PLXNA3: variants seen among roughly 807,000 people sequenced by gnomAD.
The protein encoded by PLXNA3 is plexin-A3.
A neutral mutation model predicts 118.8 loss-of-function variants in PLXNA3; 52 were observed. That is an observed-to-expected ratio of 0.44 (90% CI 0.35 to 0.55). The LOEUF is 0.55. Ranked by LOEUF, PLXNA3 falls within the 20% of genes least tolerant of loss-of-function variation. The pLI is 0.01. For missense variants in PLXNA3, 1,660 were observed against 1,730.8 expected (o/e 0.96, Z 0.73); for synonymous variants, 925 against 762.4 (o/e 1.21, Z -3.51).
Position 154,470,582 on chromosome X carries a change from C to A in PLXNA3, c.5127C>A (p.Pro1709=). ...EQADQRQISD[P]DVRHTWKSNC... is the part of the protein sequence containing the mutation. ...CGGACCAGCGCCAGATCAGCGACCC[C>A]GATGTGCGCCACACCTGGAAGAGCA... The change falls in exon 30 of 33, where the codon CCC becomes CCA. Residue 1709 remains proline, a synonymous_variant. Coordinates refer to ENST00000369682, the MANE Select transcript of PLXNA3 (RefSeq NM_017514.5). 1 of 1,211,090 alleles carries A rather than the reference C, an allele frequency of 8.3e-7. No homozygotes were observed. The highest frequency in any genetic ancestry group is 1.1e-6 in the Non-Finnish European group (1 of 895,142).
Position 154,462,229 on chromosome X carries a change from C to T in PLXNA3, c.1236C>T (p.Asp412=), listed in dbSNP as rs1557204990. The T allele has an allele frequency of 3.3e-6, 4 of 1,201,230 alleles. No homozygotes were observed. Among genetic ancestry groups the T allele is most frequent in the Non-Finnish European group, 3.4e-6 (3 of 890,092 alleles). The change falls in exon 4 of 33, where the codon GAC becomes GAT. Residue 412 remains aspartate, a synonymous_variant. Coordinates refer to ENST00000369682, the MANE Select transcript of PLXNA3 (RefSeq NM_017514.5). ...EGLPLLADST[D]GMASVAAYTY... Reference sequence around the variant, plus strand: ...TGCCCCTGCTGGCCGACAGCACCGACGGCATGGCCAGCGTGGCCGCCTACA... The same window carrying T: ...TGCCCCTGCTGGCCGACAGCACCGATGGCATGGCCAGCGTGGCCGCCTACA...
At chrX:154,459,163 C>T (rs956413549) in intron 1 of PLXNA3, among the ~76,000 whole-genome samples, 2 of 85,582 alleles carry the variant, frequency 2.3e-5, no homozygotes, top group Admixed American at 1.1e-4. Flanking sequence ...CACCACCCCC[C>T]GCTCCCCCCC....
chrX:154,466,102 C>T (rs1255809904), intron 14 of PLXNA3, 22 bp downstream of exon 14: 7 of 1,207,973 alleles, frequency 5.8e-6, no homozygotes, highest in Non-Finnish European at 7.8e-6. Flanking sequence ...TCTGTGGGTG[C>T]CCGGGCCGTA....
Position 154,464,219 on chromosome X carries a change from G to A in PLXNA3, c.1734G>A (p.Ala578=), listed in dbSNP as rs782554617. The change falls in exon 8 of 33, where the codon GCG becomes GCA. Residue 578 remains alanine (A), a synonymous_variant. Transcript: ENST00000369682. ...LSAGVSCAFE[A]AAENEAVLLP... ...CGGGCGTGAGCTGCGCCTTCGAGGC[G>A]GCGGCGGAGAACGAGGCGGTCCTGC... 8.2e-5 allele frequency: 99 copies of A among 1,207,538 alleles called. No individual in the cohort carries two copies. In the Middle Eastern group the frequency reaches 1.4e-3, roughly 17 times the overall value.
Position 154,464,161 on chromosome X carries a change from C to T in PLXNA3, c.1676C>T (p.Thr559Ile). 1.7e-6 allele frequency: 2 copies of T among 1,208,688 alleles called. No individual in the cohort carries two copies. The highest frequency in any genetic ancestry group is 2.2e-6 in the Non-Finnish European group (2 of 893,907). Residue 559 changes from threonine to isoleucine, a missense_variant, in exon 8 of 33, where the codon ACC becomes ATC. Thr to Ile is a moderately conservative substitution (Grantham distance 89, BLOSUM62 -1). Transcript: ENST00000369682. ...VSVTSPGVQL[T>I]VTLHNVPDLS... Reference sequence around the variant, plus strand: ...TGAGCCCTCTGCTTCCCCCAGCTGACCGTCACCCTGCACAACGTGCCAGAC... The same window carrying T: ...TGAGCCCTCTGCTTCCCCCAGCTGATCGTCACCCTGCACAACGTGCCAGAC...
intron 32 of PLXNA3, 120 bp from the exon 33 acceptor site, chrX:154,472,470 G>A (rs957678176): frequency 1.8e-4 from 90 of 511,841 alleles, no homozygotes; most frequent in African/African-American, 1.7e-3. Flanking sequence ...CAGGGGCTGC[G>A]GGGGAGGACG....
rs1266066465 is a variant in PLXNA3 at position 154,472,629 on chromosome X, C to T, written c.5560C>T (p.His1854Tyr). Residue 1854 changes from histidine to tyrosine, a missense_variant, in exon 33 of 33, where the codon CAT becomes TAT. Physicochemically the swap from His to Tyr is moderately conservative, Grantham distance 83 (BLOSUM62 2). Transcript: ENST00000369682. ...GGACCGAGATGCCTCTTGTCGGAAG[C>T]ATAAGTTGCGGCAGAAACTGGAACA... ...ALDRDASCRKHKLRQKLEQII... is the reference protein window; with the variant it reads ...ALDRDASCRKYKLRQKLEQII... 1 of 1,209,344 alleles carries T rather than the reference C, an allele frequency of 8.3e-7. No individual in the cohort carries two copies.
Position 154,467,288 on chromosome X carries a change from T to C in PLXNA3, c.3258T>C (p.Leu1086=). The part of the protein sequence containing the change: ...AMLCKAPGIF[L]GRPQPRAQGE... The stretch of plus-strand genomic sequence containing the variant: ...TGTGTAAGGCCCCCGGCATCTTTCT[T>C]GGGCGGCCCCAGCCTCGGGCGCAAG... Residue 1086 remains leucine (L), a synonymous_variant, in exon 19 of 33, where the codon CTT becomes CTC. Coordinates refer to ENST00000369682, the MANE Select transcript of PLXNA3 (RefSeq NM_017514.5). 3 of 1,209,251 alleles carry C rather than the reference T, an allele frequency of 2.5e-6. No individual in the cohort carries two copies. Among genetic ancestry groups the C allele is most frequent in the Non-Finnish European group, 3.4e-6 (3 of 895,285 alleles).
In PLXNA3 at chrX:154,468,201, C is replaced by G; in HGVS notation, c.3940C>G (p.His1314Asp). ...CGTGCTCTTCCCGGGCATCGAGGCC[C>G]ACCCGGTGCTCAAGGAGCTGGATGT... Reference protein sequence around the residue: ...VRVLFPGIEAHPVLKELDTPP... With the variant: ...VRVLFPGIEADPVLKELDTPP... The change falls in exon 22 of 33, where the codon CAC becomes GAC. Residue 1314 changes from histidine (H) to aspartate (D), a missense_variant. Physicochemically the swap from His to Asp is moderately conservative, Grantham distance 81. This residue lies in a region of PLXNA3 where 869 missense variants were observed against 1,078.7 expected (regional missense o/e 0.81). Coordinates refer to ENST00000369682, the MANE Select transcript of PLXNA3 (RefSeq NM_017514.5). 5 of 1,181,204 alleles carry G rather than the reference C, an allele frequency of 4.2e-6. No homozygotes were observed. Among genetic ancestry groups the G allele is most frequent in the Non-Finnish European group, 5.7e-6 (5 of 879,062 alleles).
chrX:154,471,546 C>A lies in PLXNA3; in HGVS notation c.5428C>A (p.Leu1810Met). ...CAGCGACCAGGACATGGATGCCTAC[C>A]TGGTGGAGCAGTCCCGCCTCCACGC... Reference protein sequence around the residue: ...SISDQDMDAYLVEQSRLHASD... With the variant: ...SISDQDMDAYMVEQSRLHASD... Residue 1810 changes from leucine to methionine, a missense_variant, in exon 32 of 33, where the codon CTG becomes ATG. Physicochemically the swap from Leu to Met is conservative, Grantham distance 15 (BLOSUM62 2). Transcript: ENST00000369682. 1 of 1,209,830 alleles carries A rather than the reference C, an allele frequency of 8.3e-7. No homozygotes were observed.
chrX:154,471,433 C>T, intron 31 of PLXNA3, 55 bp from the exon 32 acceptor site: 1 of 1,167,463 alleles, frequency 8.6e-7, no homozygotes, highest in African/African-American at 1.8e-5. Context: ...GCAGTGAGGG[C>T]AGGGGTTCTA....
intron 7 of PLXNA3, 27 bp downstream of exon 7, chrX:154,464,101 G>C (rs2069030092): frequency 8.3e-7 from 1 of 1,210,731 alleles, no homozygotes; most frequent in East Asian, 3.0e-5. Flanking sequence ...TGCCCGGCTG[G>C]GTGTGCACAT....
rs782225043 is a variant in PLXNA3 at position 154,465,144 on chromosome X, C to T, written c.2170C>T (p.Arg724Trp). Residue 724 changes from arginine (R) to tryptophan (W), a missense_variant, in exon 11 of 33, where the codon CGG (arginine) becomes TGG (tryptophan). Transcript: ENST00000369682. ...SGQKNYECVVRVQGRQQRVPA... is the reference protein window; with the variant it reads ...SGQKNYECVVWVQGRQQRVPA... ...CCAGAAGAACTATGAGTGCGTGGTG[C>T]GGGTGCAGGGGCGGCAGCAGCGGGT... 4.4e-5 allele frequency: 53 copies of T among 1,209,166 alleles called. No homozygotes were observed. The highest frequency in any genetic ancestry group is 7.0e-5 in the African/African-American group (4 of 57,333).
At chrX:154,469,872 G>T in intron 28 of PLXNA3, 88 bp downstream of exon 28, 1 of 1,109,728 alleles carries the variant, frequency 9.0e-7, no homozygotes, top group Non-Finnish European at 1.2e-6. Context: ...TAGACGGAGG[G>T]TCGGCCAGCG....
chrX:154,461,753 C>A, intron 3 of PLXNA3, 115 bp downstream of exon 3: 1 of 732,706 alleles, frequency 1.4e-6, no homozygotes, highest in Non-Finnish European at 2.0e-6. Context: ...CTGGGAGTGG[C>A]ACCTTTGCCC....
At chrX:154,462,357 T>C (rs782051088) in intron 4 of PLXNA3, 47 bp downstream of exon 4, 21 of 953,868 alleles carry the variant, frequency 2.2e-5, no homozygotes, top group Non-Finnish European at 2.9e-5. Context: ...CAGTCTCAGA[T>C]ATGGGACAAG....
Position 154,461,637 on chromosome X carries a change from C to G in PLXNA3, c.1133C>G (p.Thr378Ser), listed in dbSNP as rs1557204609. ...AACAAGGAGCTGCCCTGCATCAACA[C>G]CGTGAGCCCCTCATCACCCCACACT... The part of the protein sequence containing the change: ...LLNKELPCIN[T>S]PMQINGNFCG... Residue 378 changes from threonine to serine, a missense_variant and splice_region_variant, in exon 3 of 33, where the codon ACC (threonine) becomes AGC (serine). By Grantham distance (58) the Thr-to-Ser change is moderately conservative (BLOSUM62 1). Around this residue, in one of 2 missense-constraint regions of PLXNA3, gnomAD observed 791 missense variants for 652.1 expected, o/e 1.21. Transcript: ENST00000369682. The G allele has an allele frequency of 2.5e-6, 3 of 1,182,915 alleles. No individual in the cohort carries two copies. The highest frequency in any genetic ancestry group is 3.4e-6 in the Non-Finnish European group (3 of 883,804).
rs2068959072 is a variant in PLXNA3 at position 154,461,446 on chromosome X, G to C, written c.942G>C (p.Glu314Asp). ...LAQALGVPAD[E>D]DVLFTIFSQG... ...AGGCCCTGGGCGTGCCGGCTGATGA[G>C]GACGTCCTCTTCACCATCTTCTCTC... Residue 314 changes from glutamate to aspartate, a missense_variant, in exon 3 of 33, where the codon GAG becomes GAC. Physicochemically the swap from Glu to Asp is conservative, Grantham distance 45. Around this residue, in one of 2 missense-constraint regions of PLXNA3, gnomAD observed 791 missense variants for 652.1 expected, o/e 1.21. Coordinates refer to ENST00000369682, the MANE Select transcript of PLXNA3 (RefSeq NM_017514.5). 2 of 1,211,646 alleles carry C rather than the reference G, an allele frequency of 1.7e-6. No individual in the cohort carries two copies. The highest frequency in any genetic ancestry group is 1.7e-5 in the African/African-American group (1 of 57,924).
Position 154,468,230 on chromosome X carries a change from C to T in PLXNA3, c.3963+6C>T, listed in dbSNP as rs1434978681. ...CGGTGCTCAAGGAGCTGGATGTGAG[C>T]CTCTGCCTGGCCTGCCCCCCACCAT... On this transcript the variant is annotated splice_donor_region_variant and intron_variant, in intron 22 of 32. Transcript: ENST00000369682. The T allele has an allele frequency of 8.5e-7, 1 of 1,178,867 alleles. No homozygotes were observed. The highest frequency in any genetic ancestry group is 2.3e-5 in the Admixed American group (1 of 44,128).
Sources: gnomAD v4.1 joint callset for allele counts (sites outside exome capture counted in the v4.1 genomes callset) on GRCh38, gnomAD v4.1.1 for gene constraint, gnomAD v4.1.1 regional missense constraint, MANE v1.5 for transcripts, NCBI Gene and HGNC (gene_info 2026-07-23, HGNC 2026-07-21) for gene names.